The following ATAD5 variants were observed in gnomAD, a reference collection of about 807,000 sequenced individuals.
ATAD5 encodes ATPase family AAA domain-containing protein 5.
ATAD5 carries 58 observed loss-of-function variants against 176.9 expected under a neutral mutation model. That is an observed-to-expected ratio of 0.33 (90% CI 0.27 to 0.41). The LOEUF (loss-of-function observed/expected upper bound fraction) is 0.41. Ranked by LOEUF, ATAD5 falls within the 10% of genes least tolerant of loss-of-function variation. The pLI is 1.00. For synonymous variants in ATAD5, 640 were observed against 712.6 expected (o/e 0.90, Z 1.62); for missense variants, 1,789 against 2,094.1 (o/e 0.85, Z 2.84).
At chr17:30,853,150 A>G (rs904576127) in intron 6 of ATAD5, among the ~76,000 whole-genome samples, 7 of 152,022 alleles carry the variant, frequency 4.6e-5, no homozygotes, top group Admixed American at 2.6e-4. Context: ...TCAGCCTCCC[A>G]AAGTGCTGGG....
intron 6 of ATAD5, among the ~76,000 whole-genome samples, chr17:30,848,889 G>A (rs1181436453): frequency 1.3e-5 from 2 of 150,754 alleles, no homozygotes; most frequent in Non-Finnish European, 1.5e-5. Flanking sequence ...TTTTTGTTTT[G>A]AGACAGAGTC....
chr17:30,875,645 C>G (rs529437076), intron 14 of ATAD5, among the ~76,000 whole-genome samples: 1 of 151,686 alleles, frequency 6.6e-6, no homozygotes, highest in African/African-American at 2.4e-5. Flanking sequence ...AAAATACAAA[C>G]GATTAGCCAG....
chr17:30,893,761 A>G lies in ATAD5; in HGVS notation c.4908A>G (p.Lys1636=). ...IPCPPKTTAG[K]KCSALVSHCL... Reference sequence around the variant, plus strand: ...GTCCTCCTAAAACAACTGCAGGAAAAAAATGTTCTGCCCTTGTTTCTCATT... The same window carrying G: ...GTCCTCCTAAAACAACTGCAGGAAAGAAATGTTCTGCCCTTGTTTCTCATT... The change falls in exon 21 of 23, where the codon AAA becomes AAG. Residue 1636 remains lysine, a synonymous_variant. Transcript: ENST00000321990. The G allele has an allele frequency of 6.2e-7, 1 of 1,614,134 alleles. No individual in the cohort carries two copies. The highest frequency in any genetic ancestry group is 1.1e-5 in the South Asian group (1 of 91,084).
At chr17:30,877,228 C>G (rs549278688) in intron 15 of ATAD5, among the ~76,000 whole-genome samples, 188 bp from the exon 16 acceptor site, 21 of 151,408 alleles carry the variant, frequency 1.4e-4, no homozygotes. Flanking sequence ...ATGTTGGTCT[C>G]GAAACCCTGA....
chr17:30,866,169 TTAG>T (rs1907961920), intron 11 of ATAD5, among the ~76,000 whole-genome samples: 1 of 150,058 alleles, frequency 6.7e-6, no homozygotes, highest in Admixed American at 6.7e-5. Flanking sequence ...ACCTTTACAC[TTAG>T]TAGAATTTAC....
At position 30,869,634 on chromosome 17, in the gene ATAD5, G is replaced by A; in HGVS notation, c.3595G>A (p.Gly1199Ser). ...KPCFFNSYYIGKSPKKISSPK... is the reference protein window; with the variant it reads ...KPCFFNSYYISKSPKKISSPK... ...CTGTTTTTTTAATAGCTACTACATA[G>A]GCAAGTCACCAAGTAAGTAAACTAT... is the stretch of plus-strand genomic sequence containing the variant. The change falls in exon 14 of 23, where the codon GGC (glycine) becomes AGC (serine). Residue 1199 changes from glycine to serine, a missense_variant. Around this residue, in one of 6 missense-constraint regions of ATAD5, gnomAD observed 194 missense variants for 270.1 expected, o/e 0.72. Transcript: ENST00000321990. 3 of 1,587,922 alleles carry A rather than the reference G, an allele frequency of 1.9e-6. No individual in the cohort carries two copies. The highest frequency in any genetic ancestry group is 2.6e-6 in the Non-Finnish European group (3 of 1,173,518).
chr17:30,884,082 C>G (rs2097818288), intron 18 of ATAD5, among the ~76,000 whole-genome samples: 1 of 152,032 alleles, frequency 6.6e-6, no homozygotes, highest in South Asian at 2.1e-4. Context: ...TAGTTGCTGG[C>G]AACTACCATT....
In ATAD5 at chr17:30,834,730, T is replaced by C; in HGVS notation, c.649T>C (p.Ser217Pro). The C allele has an allele frequency of 6.2e-7, 1 of 1,613,742 alleles. No homozygotes were observed. The highest frequency in any genetic ancestry group is 1.1e-5 in the South Asian group (1 of 91,010). Residue 217 changes from serine (S) to proline (P), a missense_variant, in exon 2 of 23, where the codon TCT (serine) becomes CCT (proline). Physicochemically the swap from Ser to Pro is moderately conservative, Grantham distance 74. Transcript: ENST00000321990. ...GAAATGCAGAGATGTAGTAGATCTATCTGAAAGCTTACCCTTGGCAGAGGA... is the reference window on the plus strand; with the variant it reads ...GAAATGCAGAGATGTAGTAGATCTACCTGAAAGCTTACCCTTGGCAGAGGA... ...KRKCRDVVDL[S>P]ESLPLAEELN...
chr17:30,878,817 T>A (rs1049135645), intron 17 of ATAD5, among the ~76,000 whole-genome samples: 1 of 139,380 alleles, frequency 7.2e-6, no homozygotes, highest in African/African-American at 2.7e-5. Flanking sequence ...CTGCAACCTC[T>A]GCCTCCTGAG....
Position 30,892,774 on chromosome 17 carries a change from T to C in ATAD5, c.4426T>C (p.Phe1476Leu). The part of the protein sequence containing the change: ...KNIFSPSEDL[F>L]SFLKHKITMK... ...CATTTTTTCCCCATCTGAAGACTTA[T>C]TTTCATTTTTAAAGGTATTTTCAAT... Residue 1476 changes from phenylalanine (F) to leucine (L), a missense_variant, in exon 20 of 23, where the codon TTT becomes CTT. This residue lies in a region of ATAD5 where 403 missense variants were observed against 495.1 expected (regional missense o/e 0.81). Transcript: ENST00000321990. The C allele has an allele frequency of 6.4e-7, 1 of 1,562,490 alleles. No homozygotes were observed. The highest frequency in any genetic ancestry group is 8.6e-7 in the Non-Finnish European group (1 of 1,160,400).
chr17:30,834,309 A>G lies in ATAD5; in HGVS notation c.228A>G (p.Thr76=), dbSNP rs751667550. The G allele has an allele frequency of 1.2e-5, 19 of 1,613,626 alleles. No homozygotes were observed. In the Middle Eastern group the frequency reaches 2.8e-3, roughly 238 times the overall value. Residue 76 remains threonine, a synonymous_variant, in exon 2 of 23, where the codon ACA becomes ACG. Transcript: ENST00000321990. ...FRKTSPTNEK[T]QLGKECKIKS... ...AGACTTCACCCACAAATGAGAAGAC[A>G]CAATTAGGGAAAGAGTGCAAGATAA...
intron 19 of ATAD5, among the ~76,000 whole-genome samples, chr17:30,890,418 C>CTTTTTTT (rs968126768): frequency 6.9e-4 from 74 of 106,700 alleles, no homozygotes; most frequent in Non-Finnish European, 9.4e-4. Flanking sequence ...CTCTTCTTTT[C>CTTTTTTT]TTTTTTTTTT....
chr17:30,870,569 C>CATTT (rs1908280024), intron 14 of ATAD5, among the ~76,000 whole-genome samples: 1 of 151,982 alleles, frequency 6.6e-6, no homozygotes, highest in Non-Finnish European at 1.5e-5. Context: ...CTCTTTTTTG[C>CATTT]ATTTATTAGA....
chr17:30,888,952 C>T (rs1045640863), intron 19 of ATAD5, among the ~76,000 whole-genome samples: 4 of 151,052 alleles, frequency 2.6e-5, no homozygotes, highest in Non-Finnish European at 5.9e-5. Context: ...TGTAGCTACT[C>T]GGGAGGCTGA....
At chr17:30,873,909 G>C (rs1303660712) in intron 14 of ATAD5, among the ~76,000 whole-genome samples, 1 of 151,778 alleles carries the variant, frequency 6.6e-6, no homozygotes, top group Non-Finnish European at 1.5e-5. Context: ...GGTCATGCCT[G>C]TAATCCCAGC....
chr17:30,858,405 G>T, intron 9 of ATAD5, 82 bp downstream of exon 9: 1 of 1,049,728 alleles, frequency 9.5e-7, no homozygotes. Context: ...TTATTTCTGA[G>T]ACGGAGTTTT....
rs760661424 is a variant in ATAD5 at position 30,834,677 on chromosome 17, A to G, written c.596A>G (p.Lys199Arg). ...GTAAATCCTAAACAAGGGACCACAA[A>G]AAATGACTTCAAAAAGTTGAGAAAA... The part of the protein sequence containing the change: ...KKVNPKQGTT[K>R]NDFKKLRKRK... Residue 199 changes from lysine to arginine, a missense_variant, in exon 2 of 23, where the codon AAA (lysine) becomes AGA (arginine). This residue lies in a region of ATAD5 where 696 missense variants were observed against 712.5 expected (regional missense o/e 0.98). Coordinates refer to ENST00000321990, the MANE Select transcript of ATAD5 (RefSeq NM_024857.5). 8 of 1,610,456 alleles carry G rather than the reference A, an allele frequency of 5.0e-6. No individual in the cohort carries two copies. Among genetic ancestry groups the G allele is most frequent in the South Asian group, 1.1e-5 (1 of 89,838 alleles).
Position 30,894,952 on chromosome 17 carries a change from G to A in ATAD5, c.*39G>A. Reference sequence around the variant, plus strand: ...CAATGCTTTGTATAGATTATCATGTGGTCCTTAAGATACATTTTTATATTA... The same window carrying A: ...CAATGCTTTGTATAGATTATCATGTAGTCCTTAAGATACATTTTTATATTA... On this transcript the variant is annotated 3_prime_UTR_variant, in exon 23 of 23. Coordinates refer to ENST00000321990, the MANE Select transcript of ATAD5 (RefSeq NM_024857.5). 1 of 1,370,474 alleles carries A rather than the reference G, an allele frequency of 7.3e-7. No individual in the cohort carries two copies. 84.9% of individuals were successfully genotyped at this position (1,370,474 alleles called of 1,614,324 possible).
At position 30,855,196 on chromosome 17, in the gene ATAD5, G is replaced by T. The variant is rs780919433; in HGVS notation, c.2504G>T (p.Arg835Leu). The T allele has an allele frequency of 1.9e-6, 3 of 1,613,578 alleles. No individual in the cohort carries two copies. The highest frequency in any genetic ancestry group is 1.1e-5 in the South Asian group (1 of 90,970). ...TGTGATGTTCAATGTAAAGCAAAGCGTGACTTCCTAATGAGTGGTTTGCCA... is the reference window on the plus strand; with the variant it reads ...TGTGATGTTCAATGTAAAGCAAAGCTTGACTTCCTAATGAGTGGTTTGCCA... ...QDCDVQCKAK[R>L]DFLMSGLPDL... Residue 835 changes from arginine (R) to leucine (L), a missense_variant, in exon 7 of 23, where the codon CGT (arginine) becomes CTT (leucine). By Grantham distance (102) the Arg-to-Leu change is moderately radical. This residue lies in a region of ATAD5 where 487 missense variants were observed against 573.6 expected (regional missense o/e 0.85). Coordinates refer to ENST00000321990, the MANE Select transcript of ATAD5 (RefSeq NM_024857.5).
Sources: allele counts gnomAD v4.1 joint callset (sites outside exome capture counted in the v4.1 genomes callset), GRCh38; gene constraint gnomAD v4.1.1; regional missense constraint gnomAD v4.1.1; transcripts MANE v1.5; gene names NCBI Gene and HGNC (gene_info 2026-07-23, HGNC 2026-07-21).